Variants in LDLRAD4 observed in about 807,000 individuals in gnomAD.
LDLRAD4 encodes the protein low-density lipoprotein receptor class A domain-containing protein 4.
Under a neutral mutation model 17.0 loss-of-function variants are expected in LDLRAD4, and 5 were observed. The ratio of observed to expected loss-of-function variants is 0.29; its 90% confidence interval spans 0.15 to 0.62. The LOEUF (loss-of-function observed/expected upper bound fraction) is 0.62, where lower values mean the gene tolerates loss of function less well. Ranked by LOEUF, LDLRAD4 falls within the 20% of genes least tolerant of loss-of-function variation. LDLRAD4 has a pLI of 0.84. For synonymous variants in LDLRAD4, 168 were observed against 171.8 expected (o/e 0.98, Z 0.17); for missense variants, 340 against 424.7 (o/e 0.80, Z 1.75).
At chr18:13,278,490 G>A (rs1443181902) in intron 1 of LDLRAD4, 3 of 152,186 alleles carry the variant, frequency 2.0e-5, no homozygotes, top group African/African-American at 4.8e-5. Context: ...TCAGCCTCTG[G>A]CCTCAGGATG....
At chr18:13,287,742 A>G (rs1354757477) in intron 1 of LDLRAD4, among the ~76,000 whole-genome samples, 2 of 152,240 alleles carry the variant, frequency 1.3e-5, no homozygotes, top group South Asian at 2.1e-4. Context: ...TTTAGTCCCA[A>G]TTGAAACCTG....
intron 1 of LDLRAD4, among the ~76,000 whole-genome samples, chr18:13,229,101 A>G (rs764961207): frequency 6.6e-6 from 1 of 152,236 alleles, no homozygotes; most frequent in Non-Finnish European, 1.5e-5. Flanking sequence ...AGCTGTCCCC[A>G]TTGGACCCAC....
At chr18:13,322,784 A>ATTT (rs34579599) in intron 1 of LDLRAD4, among the ~76,000 whole-genome samples, 1 of 130,428 alleles carries the variant, frequency 7.7e-6, no homozygotes, top group African/African-American at 2.9e-5. Context: ...TACATGGCTA[A>ATTT]TTTTTTTTTT....
chr18:13,611,348 C>T (rs891533576), intron 3 of LDLRAD4: 3 of 396,498 alleles, frequency 7.6e-6, no homozygotes, highest in African/African-American at 6.5e-5. Context: ...CCCGGCAGTG[C>T]TTGTGGTGGG....
At chr18:13,392,745 T>C (rs1215182799) in intron 2 of LDLRAD4, among the ~76,000 whole-genome samples, 1 of 152,242 alleles carries the variant, frequency 6.6e-6, no homozygotes, top group Non-Finnish European at 1.5e-5. Flanking sequence ...TTTTAAATTA[T>C]TTTAATGTTA....
intron 3 of LDLRAD4, among the ~76,000 whole-genome samples, chr18:13,458,716 G>A (rs984878031): frequency 3.3e-5 from 5 of 152,220 alleles, no homozygotes; most frequent in Non-Finnish European, 7.3e-5. Flanking sequence ...CATCCAGGCA[G>A]GCCTGGAGAC....
At chr18:13,446,987 G>C (rs1446508384) in intron 3 of LDLRAD4, among the ~76,000 whole-genome samples, 2 of 152,186 alleles carry the variant, frequency 1.3e-5, no homozygotes, top group Admixed American at 6.5e-5. Flanking sequence ...TCCAGGTTGT[G>C]GTGTTACCTT....
At chr18:13,616,850 T>C (rs1008744150) in intron 3 of LDLRAD4, among the ~76,000 whole-genome samples, 1 of 152,206 alleles carries the variant, frequency 6.6e-6, no homozygotes, top group Non-Finnish European at 1.5e-5. Context: ...ACAGTGTTCC[T>C]GCTCCCACAG....
At position 13,642,288 on chromosome 18, in the gene LDLRAD4, T is replaced by G. The variant is rs115870657; in HGVS notation, c.337-1071T>G. 1,843 of 989,400 alleles carry G rather than the reference T, an allele frequency of 1.9e-3. 33 individuals carry two copies. The African/African-American group carries it at 0.03, about 16-fold the overall frequency. The allele number at this position is 989,400 out of a possible 1,614,324, so 61.3% of individuals were successfully genotyped here. A position where few individuals can be genotyped will look rare whatever the true frequency, so the allele number is the denominator to read the frequency against. ...GCCCAGCCCGCCCGTTTCCGAGAAT[T>G]CCCCAAACGCGGGCCCCTACACGCT... On this transcript the variant is annotated intron_variant, in intron 4 of 5. Transcript: ENST00000359446.
At chr18:13,314,505 C>T (rs952730664) in intron 1 of LDLRAD4, among the ~76,000 whole-genome samples, 5 of 152,220 alleles carry the variant, frequency 3.3e-5, no homozygotes. Flanking sequence ...TCTTGAAAAG[C>T]TGGACAGAGT....
chr18:13,629,494 T>A (rs920232966), intron 4 of LDLRAD4, among the ~76,000 whole-genome samples: 1 of 152,334 alleles, frequency 6.6e-6, no homozygotes, highest in Admixed American at 6.5e-5. Flanking sequence ...ATGGTAAGAA[T>A]GTATTCATGT....
intron 1 of LDLRAD4, among the ~76,000 whole-genome samples, chr18:13,249,378 G>C (rs2043121908): frequency 6.6e-6 from 1 of 152,174 alleles, no homozygotes; most frequent in South Asian, 2.1e-4. Flanking sequence ...GTGTGTAACA[G>C]TTCCCTTTCT....
chr18:13,621,056 C>A lies in LDLRAD4; in HGVS notation c.182-61C>A. 6.2e-7 allele frequency: 1 copy of A among 1,611,696 alleles called. No individual in the cohort carries two copies. Among genetic ancestry groups the A allele is most frequent in the Non-Finnish European group, 8.5e-7 (1 of 1,178,386 alleles). On this transcript the variant is annotated intron_variant, in intron 3 of 5. Coordinates refer to ENST00000359446, the Ensembl canonical transcript of LDLRAD4. The surrounding 1 kb of genome is among the most constrained non-coding windows in gnomAD (Gnocchi z 5.5). ...CTGATGGCTGGGGTGGTGACAGTGC[C>A]TGGAGAATGGGTGGGGACTGGAGGG...
intron 1 of LDLRAD4, among the ~76,000 whole-genome samples, chr18:13,234,739 C>T (rs1290127498): frequency 6.6e-6 from 1 of 152,088 alleles, no homozygotes; most frequent in Non-Finnish European, 1.5e-5. Flanking sequence ...CCATGAGCCC[C>T]GCCCCACCCC....
At chr18:13,224,474 C>T (rs374884004) in intron 1 of LDLRAD4, among the ~76,000 whole-genome samples, 3 of 87,884 alleles carry the variant, frequency 3.4e-5, no homozygotes, top group African/African-American at 9.2e-5. Flanking sequence ...TTCTTTCTTT[C>T]TTTTTTTTTT....
intron 1 of LDLRAD4, among the ~76,000 whole-genome samples, chr18:13,224,830 CTTTTTT>C (rs909909799): frequency 1.4e-5 from 2 of 143,388 alleles, no homozygotes; most frequent in African/African-American, 5.2e-5. Context: ...AAGAGTCTCT[CTTTTTT>C]TTTTTTTTCT....
chr18:13,615,904 C>T (rs1172382316), intron 3 of LDLRAD4: 1 of 149,244 alleles, frequency 6.7e-6, no homozygotes, highest in Non-Finnish European at 1.5e-5. Flanking sequence ...CAAGGAAACT[C>T]AACCAGTGGT....
chr18:13,510,327 G>A (rs2093757683), intron 3 of LDLRAD4, among the ~76,000 whole-genome samples: 1 of 152,178 alleles, frequency 6.6e-6, no homozygotes, highest in Non-Finnish European at 1.5e-5. Flanking sequence ...TCAGCTTGGA[G>A]ACTTTCTGCA....
intron 1 of LDLRAD4, among the ~76,000 whole-genome samples, chr18:13,336,540 T>G (rs2082111195): frequency 6.6e-6 from 1 of 152,196 alleles, no homozygotes; most frequent in African/African-American, 2.4e-5. Context: ...CCATCCTTTT[T>G]CCTTTTCTTT....
Sources: allele counts gnomAD v4.1 joint callset (sites outside exome capture counted in the v4.1 genomes callset), GRCh38; gene constraint gnomAD v4.1.1; non-coding constraint Gnocchi (gnomAD v3.1); transcripts MANE v1.5; gene names NCBI Gene and HGNC (gene_info 2026-07-23, HGNC 2026-07-21).